Variants in CNNM4 observed in about 807,000 individuals in gnomAD.
CNNM4 encodes the protein cyclin and CBS domain divalent metal cation transport mediator 4, also known as metal transporter CNNM4.
A neutral mutation model predicts 53.7 loss-of-function variants in CNNM4; 32 were observed. The ratio of observed to expected loss-of-function variants is 0.60; its 90% confidence interval spans 0.45 to 0.80. CNNM4 has a LOEUF of 0.80. Among genes scored for constraint, CNNM4 ranks in the 30% least tolerant of loss-of-function variants. The pLI, the probability that CNNM4 is intolerant of heterozygous loss-of-function variation, is 0.00. For synonymous variants in CNNM4, 410 were observed against 440.0 expected (o/e 0.93, Z 0.85); for missense variants, 784 against 1,022.0 (o/e 0.77, Z 3.17).
chr2:96,809,084 T>C (rs1558999206), intron 6 of CNNM4: 1 of 844,106 alleles, frequency 1.2e-6, no homozygotes. Context: ...TCAAGCGATT[T>C]GCCCGCCTCA....
chr2:96,790,364 G>T (rs912873985), intron 1 of CNNM4, among the ~76,000 whole-genome samples: 21 of 147,222 alleles, frequency 1.4e-4, no homozygotes, highest in African/African-American at 4.8e-4. Context: ...TTATTTATTT[G>T]TTTTTTTGAG....
At chr2:96,766,003 C>T (rs1411394348) in intron 1 of CNNM4, among the ~76,000 whole-genome samples, 5 of 150,078 alleles carry the variant, frequency 3.3e-5, no homozygotes, top group African/African-American at 7.4e-5. Context: ...AGGCTGGTTG[C>T]GAACTCCTGA....
chr2:96,779,816 T>C (rs1281486332), intron 1 of CNNM4, among the ~76,000 whole-genome samples: 10 of 152,086 alleles, frequency 6.6e-5, no homozygotes, highest in Admixed American at 5.2e-4. Context: ...ATTTTTTTTT[T>C]TTTTTTAGAC....
intron 5 of CNNM4, among the ~76,000 whole-genome samples, chr2:96,803,983 C>A (rs1192847709): frequency 1.3e-5 from 2 of 152,082 alleles, no homozygotes; most frequent in African/African-American, 2.4e-5. Context: ...ACTGCAGCCT[C>A]AACCTCATGG....
chr2:96,766,511 TC>T (rs1461747138), intron 1 of CNNM4, among the ~76,000 whole-genome samples: 1 of 152,180 alleles, frequency 6.6e-6, no homozygotes, highest in Non-Finnish European at 1.5e-5. Flanking sequence ...AGTGGGGCCT[TC>T]TTGCCACCTT....
intron 1 of CNNM4, among the ~76,000 whole-genome samples, chr2:96,783,567 A>G (rs1478813362): frequency 1.3e-5 from 2 of 152,100 alleles, no homozygotes; most frequent in Non-Finnish European, 2.9e-5. Flanking sequence ...GAAACCTGCC[A>G]TTTTTGGTCT....
Position 96,799,224 on chromosome 2 carries a change from C to T in CNNM4, c.1849C>T (p.Gln617Ter). 1 of 1,614,210 alleles carries T rather than the reference C, an allele frequency of 6.2e-7. No homozygotes were observed. The highest frequency in any genetic ancestry group is 1.1e-5 in the South Asian group (1 of 91,090). Reference protein sequence around the residue: ...KPADYFILILQGKVEVEAGKE... With the variant: ...KPADYFILIL ...GGCCGACTACTTCATCCTCATCCTG[C>T]AGGTGAGCCCGCTCAGCCCTGGGCC... The change falls in exon 4 of 7, where the codon CAG becomes TAG. Residue 617 changes from glutamine to a stop codon, truncating the protein, a stop_gained and splice_region_variant. Transcript: ENST00000377075. LOFTEE classifies it high-confidence loss of function.
Position 96,808,735 on chromosome 2 carries a change from A to C in CNNM4, c.2123A>C (p.Tyr708Ser), listed in dbSNP as rs1449908474. The change falls in exon 6 of 7, where the codon TAC becomes TCC. Residue 708 changes from tyrosine to serine, a missense_variant. Tyr to Ser is a moderately radical substitution (Grantham distance 144, BLOSUM62 -2). Coordinates refer to ENST00000377075, the MANE Select transcript of CNNM4 (RefSeq NM_020184.4). This position sits in a 1 kb window ranked among gnomAD's most constrained non-coding sequence, Gnocchi z 4.9. ...GTCCGGGCACTCGTGGACTTGCAGTACATCAAGGTGAGTGCCTCACTGCCC... is the reference window on the plus strand; with the variant it reads ...GTCCGGGCACTCGTGGACTTGCAGTCCATCAAGGTGAGTGCCTCACTGCCC... ...FSVRALVDLQYIKITRQQYQN... is the reference protein window; with the variant it reads ...FSVRALVDLQSIKITRQQYQN... 1 of 1,614,098 alleles carries C rather than the reference A, an allele frequency of 6.2e-7. No individual in the cohort carries two copies. Among genetic ancestry groups the C allele is most frequent in the Middle Eastern group, 1.6e-4 (1 of 6,062 alleles).
intron 5 of CNNM4, among the ~76,000 whole-genome samples, chr2:96,805,251 A>T (rs1373749965): frequency 2.0e-5 from 3 of 151,770 alleles, no homozygotes; most frequent in Non-Finnish European, 4.4e-5. Context: ...GGAATACCAC[A>T]ACCTCATCAT....
chr2:96,770,136 G>A (rs994304996), intron 1 of CNNM4, among the ~76,000 whole-genome samples: 8 of 152,230 alleles, frequency 5.3e-5, no homozygotes, highest in Non-Finnish European at 8.8e-5. Context: ...GGACACTCAC[G>A]TGTCTTCACT....
Position 96,807,959 on chromosome 2 carries a change from G to T in CNNM4, c.1949-602G>T, listed in dbSNP as rs1462346297. Among the ~76,000 whole-genome samples, 23 of 152,024 alleles carry T rather than the reference G, an allele frequency of 1.5e-4. No individual in the cohort carries two copies. In the East Asian group the frequency reaches 4.4e-3, roughly 29 times the overall value. ...GCTGGAGTGCAGTGGTGCCAGCTTG[G>T]CTCACTGCAATATCCACCTCCCAGG... On this transcript the variant is annotated intron_variant, in intron 5 of 6. Coordinates refer to ENST00000377075, the MANE Select transcript of CNNM4 (RefSeq NM_020184.4).
chr2:96,794,369 A>T (rs1401569783), intron 1 of CNNM4, among the ~76,000 whole-genome samples: 1 of 152,120 alleles, frequency 6.6e-6, no homozygotes, highest in East Asian at 1.9e-4. Flanking sequence ...CAAACTCCAA[A>T]TACCCCCAAA....
intron 1 of CNNM4, among the ~76,000 whole-genome samples, chr2:96,773,208 A>G (rs2078894712): frequency 6.6e-6 from 1 of 152,188 alleles, no homozygotes; most frequent in Non-Finnish European, 1.5e-5. Context: ...ATTTCATGAA[A>G]TGCTCAAAAT....
At chr2:96,781,275 G>C (rs747432706) in intron 1 of CNNM4, among the ~76,000 whole-genome samples, 1 of 151,690 alleles carries the variant, frequency 6.6e-6, no homozygotes. Context: ...CACCGTGCCC[G>C]GCCTGATCTC....
chr2:96,804,791 C>T (rs1461679253), intron 5 of CNNM4, among the ~76,000 whole-genome samples: 1 of 152,072 alleles, frequency 6.6e-6, no homozygotes, highest in Non-Finnish European at 1.5e-5. Flanking sequence ...CCGCCTCAGC[C>T]TCCCAAAGTG....
chr2:96,773,635 G>A (rs1208211715), intron 1 of CNNM4, among the ~76,000 whole-genome samples: 2 of 152,116 alleles, frequency 1.3e-5, no homozygotes, highest in African/African-American at 4.8e-5. Context: ...CTGAGGTCAG[G>A]AGTTTGAGAC....
At position 96,797,727 on chromosome 2, in the gene CNNM4, C is replaced by T. The variant is rs957169697; in HGVS notation, c.1681+80C>T. The stretch of plus-strand genomic sequence containing the variant: ...TCCTGGGTTTCCGGCTGCTTTCCCC[C>T]CATAGGACGAGGGCTGCAGCAGGTG... On this transcript the variant is annotated intron_variant, in intron 3 of 6. Transcript: ENST00000377075. This position sits in a 1 kb window ranked among gnomAD's most constrained non-coding sequence, Gnocchi z 6.0. 4.0e-5 allele frequency: 63 copies of T among 1,581,418 alleles called. No homozygotes were observed. The highest frequency in any genetic ancestry group is 5.3e-5 in the Non-Finnish European group (62 of 1,165,958).
intron 1 of CNNM4, among the ~76,000 whole-genome samples, chr2:96,779,383 C>A (rs1023826244): frequency 6.6e-6 from 1 of 151,928 alleles, no homozygotes; most frequent in Non-Finnish European, 1.5e-5. Flanking sequence ...GTGGCATGCA[C>A]CTTTGATCCC....
At chr2:96,762,903 G>A (rs558468534) in intron 1 of CNNM4, among the ~76,000 whole-genome samples, 1 of 152,284 alleles carries the variant, frequency 6.6e-6, no homozygotes, top group South Asian at 2.1e-4. Flanking sequence ...TGGCCCAGCA[G>A]GTGGTCCTGT....
Sources: gnomAD v4.1 joint callset for allele counts (sites outside exome capture counted in the v4.1 genomes callset) on GRCh38, gnomAD v4.1.1 for gene constraint, Gnocchi (gnomAD v3.1) non-coding constraint, MANE v1.5 for transcripts, NCBI Gene and HGNC (gene_info 2026-07-23, HGNC 2026-07-21) for gene names.